EYS: variants seen among roughly 807,000 people sequenced by gnomAD.
EYS encodes the protein EGF-like photoreceptor maintenance factor, also known as protein eyes shut homolog.
Under a neutral mutation model 282.1 loss-of-function variants are expected in EYS, and 250 were observed. The ratio of observed to expected loss-of-function variants is 0.89; its 90% confidence interval spans 0.80 to 0.98. The LOEUF is 0.98. EYS is among the 50% of genes least tolerant of loss of function. EYS has a pLI of 0.00. For missense variants in EYS, 4,016 were observed against 3,709.0 expected (o/e 1.08, Z -2.15); for synonymous variants, 1,355 against 1,282.9 (o/e 1.06, Z -1.20).
chr6:64,815,242 G>T (rs760149571), intron 21 of EYS: 11 of 462,068 alleles, frequency 2.4e-5, no homozygotes, highest in Non-Finnish European at 4.8e-5. Context: ...AACTTGTTAA[G>T]AAAAACCAAG....
rs1002134027 is a variant in EYS, at chr6:65,394,250, G to A, written c.1184+8228C>T. 2.6e-5 allele frequency among the ~76,000 whole-genome samples: 4 copies of A among 151,768 alleles called. No homozygotes were observed. The Admixed American group carries it at 2.6e-4, about 10-fold the overall frequency. On this transcript the variant is annotated intron_variant, in intron 7 of 42. Transcript: ENST00000503581. ...TGCGCACGTGTGTGTGTGTGTGTGT[G>A]CAAAATGGCAGTATTAATAATGTAG...
At chr6:64,406,818 G>C (rs1331392039) in intron 28 of EYS, among the ~76,000 whole-genome samples, 1 of 152,210 alleles carries the variant, frequency 6.6e-6, no homozygotes, top group Non-Finnish European at 1.5e-5. Context: ...ATGTTGGAGA[G>C]GATGTGGAGA....
chr6:65,179,906 G>A (rs377467917), intron 12 of EYS, among the ~76,000 whole-genome samples: 25 of 151,920 alleles, frequency 1.6e-4, no homozygotes, highest in East Asian at 1.6e-3. Context: ...TTCAACATAC[G>A]CAAATCAATA....
chr6:64,075,032 C>T (rs746458072), intron 32 of EYS, among the ~76,000 whole-genome samples: 6 of 151,912 alleles, frequency 3.9e-5, no homozygotes, highest in Non-Finnish European at 8.8e-5. Context: ...ATCTGTTTAT[C>T]CTGGTGCTGC....
intron 12 of EYS, among the ~76,000 whole-genome samples, chr6:65,222,722 C>T (rs1582034590): frequency 6.6e-6 from 1 of 152,200 alleles, no homozygotes; most frequent in Non-Finnish European, 1.5e-5. Flanking sequence ...TGTGAAGTCA[C>T]AGGATCTTTG....
At chr6:63,843,520 C>G (rs755183978) in intron 36 of EYS, among the ~76,000 whole-genome samples, 1 of 151,976 alleles carries the variant, frequency 6.6e-6, no homozygotes, top group African/African-American at 2.4e-5. Context: ...TCTCAATAGA[C>G]GCAGAAAAGA....
intron 22 of EYS, among the ~76,000 whole-genome samples, chr6:64,701,937 T>C (rs1770806681): frequency 6.6e-6 from 1 of 152,026 alleles, no homozygotes; most frequent in South Asian, 2.1e-4. Flanking sequence ...TGCTTTGCAA[T>C]TTACAATAAT....
intron 19 of EYS, among the ~76,000 whole-genome samples, chr6:64,868,405 A>G (rs893742281): frequency 1.3e-5 from 2 of 151,468 alleles, no homozygotes; most frequent in African/African-American, 4.8e-5. Context: ...CTAAATGTAA[A>G]TTTTCTGTTA....
intron 31 of EYS, among the ~76,000 whole-genome samples, chr6:64,165,514 G>C (rs920965135): frequency 3.3e-5 from 5 of 152,000 alleles, no homozygotes; most frequent in African/African-American, 1.2e-4. Flanking sequence ...TTTAGAATTT[G>C]GAAAATGTAT....
In EYS at chr6:64,009,563, C is replaced by A. The variant is rs1451252548; in HGVS notation, c.6726-10380G>T. Reference sequence around the variant, plus strand: ...CCTCCGAAAGTGCTGGGATTACAAGCGCGAGCCACTTCTCCCGGCCAGCTT... The same window carrying A: ...CCTCCGAAAGTGCTGGGATTACAAGAGCGAGCCACTTCTCCCGGCCAGCTT... On this transcript the variant is annotated intron_variant, in intron 33 of 42. Transcript: ENST00000503581. Among the ~76,000 whole-genome samples, 3 of 152,156 alleles carry A rather than the reference C, an allele frequency of 2.0e-5. No individual in the cohort carries two copies. The South Asian group carries it at 6.2e-4, about 32-fold the overall frequency.
chr6:65,129,037 T>G (rs528260643), intron 12 of EYS, among the ~76,000 whole-genome samples: 4 of 151,938 alleles, frequency 2.6e-5, no homozygotes, highest in African/African-American at 9.6e-5. Flanking sequence ...CTTTGACAAA[T>G]TTTACAAAAA....
intron 35 of EYS, among the ~76,000 whole-genome samples, chr6:63,958,597 C>T (rs541513017): frequency 2.4e-4 from 36 of 152,298 alleles, no homozygotes; most frequent in African/African-American, 5.5e-4. Flanking sequence ...TTCAATGTAG[C>T]GAAAGCAGCC....
intron 2 of EYS, among the ~76,000 whole-genome samples, chr6:65,623,875 C>T (rs1766608477): frequency 6.6e-6 from 1 of 152,180 alleles, no homozygotes; most frequent in African/African-American, 2.4e-5. Context: ...CCTAGCATAA[C>T]TCACCTTTCT....
At chr6:65,010,762 G>A (rs1404922774) in intron 13 of EYS, among the ~76,000 whole-genome samples, 1 of 152,218 alleles carries the variant, frequency 6.6e-6, no homozygotes, top group Non-Finnish European at 1.5e-5. Flanking sequence ...CAGAATCTAA[G>A]TATGCTTACC....
At chr6:64,274,257 C>T (rs966345608) in intron 30 of EYS, among the ~76,000 whole-genome samples, 3 of 152,130 alleles carry the variant, frequency 2.0e-5, no homozygotes, top group Non-Finnish European at 4.4e-5. Flanking sequence ...CTCACTGCAA[C>T]CTGTGTCTCC....
chr6:65,226,630 C>G (rs1036217667), intron 12 of EYS, among the ~76,000 whole-genome samples: 3 of 152,140 alleles, frequency 2.0e-5, no homozygotes, highest in African/African-American at 7.2e-5. Context: ...AAACAAGTAT[C>G]ATTGAGGCTG....
At chr6:64,484,427 T>C (rs1776524158) in intron 26 of EYS, among the ~76,000 whole-genome samples, 1 of 151,252 alleles carries the variant, frequency 6.6e-6, no homozygotes, top group South Asian at 2.1e-4. Flanking sequence ...GAAAGCACAA[T>C]CATGGGCTTG....
chr6:65,460,263 A>C (rs1764782194), intron 5 of EYS, among the ~76,000 whole-genome samples: 1 of 151,226 alleles, frequency 6.6e-6, no homozygotes, highest in Admixed American at 6.6e-5. Context: ...TAAATCCACA[A>C]AGTAAGAAAT....
chr6:64,996,475 T>A (rs1472925257), intron 14 of EYS, among the ~76,000 whole-genome samples: 2 of 152,160 alleles, frequency 1.3e-5, no homozygotes, highest in Non-Finnish European at 2.9e-5. Context: ...AATGCCTCCC[T>A]TGCCTCAGAG....
Sources: allele counts gnomAD v4.1 joint callset (sites outside exome capture counted in the v4.1 genomes callset), GRCh38; gene constraint gnomAD v4.1.1; transcripts MANE v1.5; gene names NCBI Gene and HGNC (gene_info 2026-07-23, HGNC 2026-07-21).